The following RAB3GAP1 variants were observed in gnomAD, a reference collection of about 807,000 sequenced individuals.
RAB3GAP1 encodes RAB3 GTPase activating protein catalytic subunit 1, also known as rab3 GTPase-activating protein catalytic subunit.
RAB3GAP1 carries 86 observed loss-of-function variants against 130.7 expected under a neutral mutation model. The ratio of observed to expected loss-of-function variants is 0.66; its 90% CI spans 0.55 to 0.79. The LOEUF (loss-of-function observed/expected upper bound fraction) is 0.79. RAB3GAP1 is among the 30% of genes least tolerant of loss of function. The probability of loss-of-function intolerance (pLI) is 0.00; values close to 1 mark genes in which losing one functional copy is unlikely to be tolerated. For synonymous variants in RAB3GAP1, 367 were observed against 401.7 expected, an observed-to-expected ratio of 0.91 and a Z score of 1.03; for missense variants, 1,029 against 1,169.4, an observed-to-expected ratio of 0.88 and a Z score of 1.75.
intron 3 of RAB3GAP1, among the ~76,000 whole-genome samples, chr2:135,068,374 A>G (rs1007864947): frequency 7.9e-5 from 12 of 152,066 alleles, no homozygotes; most frequent in African/African-American, 2.9e-4. Flanking sequence ...AATTTTCAAT[A>G]TGCATTATGA....
rs576369375 is a variant in RAB3GAP1 at position 135,096,658 on chromosome 2, C to T, written c.362+2965C>T. On this transcript the variant is annotated intron_variant, in intron 5 of 23. Coordinates refer to ENST00000264158, the MANE Select transcript of RAB3GAP1 (RefSeq NM_012233.3). ...TCATTCAACATTAATTGAACACTTA[C>T]TTACTGTTTGGCTATATACTGAATT... Among the ~76,000 whole-genome samples the T allele has an allele frequency of 2.6e-5, 4 of 152,266 alleles. No homozygotes were observed. In the South Asian group the frequency reaches 8.3e-4, roughly 32 times the overall value.
intron 19 of RAB3GAP1, among the ~76,000 whole-genome samples, chr2:135,157,040 TAATG>T (rs544147471): frequency 9.9e-4 from 151 of 152,298 alleles, no homozygotes; most frequent in Admixed American, 2.4e-3. Context: ...TTTGAAATCT[TAATG>T]AAGAAAACAA....
At chr2:135,052,644 A>T (rs1688913472) in intron 2 of RAB3GAP1, among the ~76,000 whole-genome samples, 159 bp downstream of exon 2, 2 of 152,108 alleles carry the variant, frequency 1.3e-5, no homozygotes, top group Non-Finnish European at 2.9e-5. Context: ...GTCAACCGCA[A>T]GCCTCTTCCG....
At position 135,124,242 on chromosome 2, in the gene RAB3GAP1, A is replaced by G. The variant is rs150727606; in HGVS notation, c.826A>G (p.Ile276Val). 6.6e-5 allele frequency: 106 copies of G among 1,613,508 alleles called. No homozygotes were observed. The African/African-American group carries it at 1.1e-3, about 17-fold the overall frequency. ...KLPFGACEDP[I>V]SELHLATTWP... ...ACCATTTGGTGCCTGCGAAGATCCT[A>G]TTAGGTGAGAATTTCAACCTGTCAT... The change falls in exon 9 of 24, where the codon ATT (isoleucine) becomes GTT (valine). Residue 276 changes from isoleucine (I) to valine (V), a missense_variant. Physicochemically the swap from Ile to Val is conservative, Grantham distance 29 (BLOSUM62 3). This residue lies in a region of RAB3GAP1 where 510 missense variants were observed against 532.1 expected (regional missense o/e 0.96). Coordinates refer to ENST00000264158, the MANE Select transcript of RAB3GAP1 (RefSeq NM_012233.3).
At chr2:135,066,820 C>T (rs565834869) in intron 3 of RAB3GAP1, among the ~76,000 whole-genome samples, 18 of 152,138 alleles carry the variant, frequency 1.2e-4, no homozygotes, top group Admixed American at 7.9e-4. Flanking sequence ...ATTTTAAGTA[C>T]TTTTAATGAA....
At chr2:135,076,023 G>A (rs941818219) in intron 3 of RAB3GAP1, among the ~76,000 whole-genome samples, 1 of 149,502 alleles carries the variant, frequency 6.7e-6, no homozygotes, top group Non-Finnish European at 1.5e-5. Flanking sequence ...TGATTCTCCT[G>A]CCTCAGCCTC....
chr2:135,101,219 G>A (rs1441350378), intron 5 of RAB3GAP1, among the ~76,000 whole-genome samples: 2 of 152,190 alleles, frequency 1.3e-5, no homozygotes, highest in East Asian at 3.9e-4. Flanking sequence ...TATTGTAATT[G>A]TTAATAAATA....
At chr2:135,164,186 G>A (rs1012226238) in intron 22 of RAB3GAP1, among the ~76,000 whole-genome samples, 1 of 152,054 alleles carries the variant, frequency 6.6e-6, no homozygotes, top group Non-Finnish European at 1.5e-5. Context: ...TGCACACACA[G>A]ACACATACCC....
chr2:135,067,510 G>A (rs1453149138), intron 3 of RAB3GAP1, among the ~76,000 whole-genome samples: 3 of 152,096 alleles, frequency 2.0e-5, no homozygotes, highest in African/African-American at 7.2e-5. Flanking sequence ...GAAGTTTTGG[G>A]AATCTTGCTG....
chr2:135,067,358 A>G (rs1424830730), intron 3 of RAB3GAP1, among the ~76,000 whole-genome samples: 2 of 152,350 alleles, frequency 1.3e-5, no homozygotes, highest in South Asian at 4.1e-4. Context: ...GGGACATGTA[A>G]GATAAGGTTT....
intron 3 of RAB3GAP1, among the ~76,000 whole-genome samples, chr2:135,059,816 C>T (rs1689116902): frequency 6.6e-6 from 1 of 152,096 alleles, no homozygotes; most frequent in South Asian, 2.1e-4. Context: ...CAGTCTGTTT[C>T]TCCCTACTAG....
intron 5 of RAB3GAP1, among the ~76,000 whole-genome samples, chr2:135,110,037 G>A (rs1369102696): frequency 6.6e-6 from 1 of 151,994 alleles, no homozygotes; most frequent in Non-Finnish European, 1.5e-5. Context: ...ATAGTCTCAG[G>A]ATTCAAGTAG....
chr2:135,144,117 G>A (rs1691928137), intron 17 of RAB3GAP1, among the ~76,000 whole-genome samples: 1 of 152,206 alleles, frequency 6.6e-6, no homozygotes, highest in South Asian at 2.1e-4. Context: ...CAGCTGGGCT[G>A]AGCATGCCCT....
intron 3 of RAB3GAP1, among the ~76,000 whole-genome samples, chr2:135,085,551 G>C (rs1689948778): frequency 6.6e-6 from 1 of 152,160 alleles, no homozygotes; most frequent in South Asian, 2.1e-4. Context: ...TTATGGCTTA[G>C]ACTCTATCTT....
intron 15 of RAB3GAP1, among the ~76,000 whole-genome samples, chr2:135,134,926 A>G (rs1473869753): frequency 1.3e-5 from 2 of 152,222 alleles, no homozygotes; most frequent in African/African-American, 2.4e-5. Flanking sequence ...TTTATTTTGT[A>G]TGGTGTGAAA....
intron 15 of RAB3GAP1, 114 bp from the exon 16 acceptor site, chr2:135,135,151 C>T (rs1691643337): frequency 7.1e-6 from 6 of 842,530 alleles, no homozygotes; most frequent in South Asian, 7.1e-5. Flanking sequence ...CTGTGGAAAT[C>T]TAGTTTTGAT....
At chr2:135,053,524 C>T (rs985214452) in intron 2 of RAB3GAP1, among the ~76,000 whole-genome samples, 4 of 152,174 alleles carry the variant, frequency 2.6e-5, no homozygotes, top group African/African-American at 9.7e-5. Flanking sequence ...TCAGTGTTTA[C>T]GCTGTTACAG....
intron 7 of RAB3GAP1, among the ~76,000 whole-genome samples, chr2:135,116,753 T>A (rs1054216343): frequency 6.6e-6 from 1 of 152,142 alleles, no homozygotes; most frequent in African/African-American, 2.4e-5. Context: ...GCCAAAAAAA[T>A]GTCATATGCA....
In RAB3GAP1 at chr2:135,135,649, G is replaced by A. The variant is rs756766762; in HGVS notation, c.1640G>A (p.Gly547Glu). Residue 547 changes from glycine to glutamate, a missense_variant, in exon 17 of 24, where the codon GGG becomes GAG. Gly to Glu is a moderately conservative substitution (Grantham distance 98). This residue lies in a region of RAB3GAP1 where 373 missense variants were observed against 493.6 expected (regional missense o/e 0.76). Coordinates refer to ENST00000264158, the MANE Select transcript of RAB3GAP1 (RefSeq NM_012233.3). ...SASDVTNIYP[G>E]DAGKAGDQLV... ...TCAGATGTCACTAATATATATCCAG[G>A]GGATGCTGGAAAAGCAGGAGACCAG... The A allele has an allele frequency of 7.4e-6, 12 of 1,613,430 alleles. No homozygotes were observed. Among genetic ancestry groups the A allele is most frequent in the Non-Finnish European group, 1.0e-5 (12 of 1,179,846 alleles).
Sources: gnomAD v4.1 joint callset for allele counts (sites outside exome capture counted in the v4.1 genomes callset) on GRCh38, gnomAD v4.1.1 for gene constraint, gnomAD v4.1.1 regional missense constraint, MANE v1.5 for transcripts, NCBI Gene and HGNC (gene_info 2026-07-23, HGNC 2026-07-21) for gene names.